CHRM3: variants seen among roughly 807,000 people sequenced by gnomAD.
CHRM3 encodes muscarinic acetylcholine receptor M3.
A neutral mutation model predicts 41.8 loss-of-function variants in CHRM3; 11 were observed. The ratio of observed to expected loss-of-function variants is 0.26; its 90% CI spans 0.17 to 0.44. CHRM3 has a LOEUF of 0.44. CHRM3 is among the 20% of genes least tolerant of loss of function. CHRM3 has a pLI of 1.00. For synonymous variants in CHRM3, 297 were observed against 301.4 expected (o/e 0.99, Z 0.15); for missense variants, 571 against 745.4 (o/e 0.77, Z 2.72).
At chr1:239,541,188 A>G (rs61836570) in intron 2 of CHRM3, among the ~76,000 whole-genome samples, 1,545 of 24,044 alleles carry the variant, frequency 0.064, 8 homozygotes, top group Admixed American at 0.14. Context: ...TATCAACAAC[A>G]TTAAGTGAGG....
intron 3 of CHRM3, among the ~76,000 whole-genome samples, chr1:239,597,212 A>G (rs1278716842): frequency 1.3e-5 from 2 of 152,146 alleles, no homozygotes; most frequent in Non-Finnish European, 2.9e-5. Context: ...GACATTTCCT[A>G]TGAACTGGGC....
chr1:239,767,546 AG>A (rs1247366178), intron 5 of CHRM3, among the ~76,000 whole-genome samples: 1 of 152,206 alleles, frequency 6.6e-6, no homozygotes, highest in African/African-American at 2.4e-5. Flanking sequence ...CTAACTTCCT[AG>A]AATCAATATG....
At chr1:239,432,921 A>T (rs1662939922) in intron 1 of CHRM3, among the ~76,000 whole-genome samples, 1 of 152,104 alleles carries the variant, frequency 6.6e-6, no homozygotes, top group Non-Finnish European at 1.5e-5. Flanking sequence ...TTCAACAACT[A>T]TTTATTGTGT....
intron 1 of CHRM3, among the ~76,000 whole-genome samples, chr1:239,435,822 G>T (rs952115048): frequency 2.0e-5 from 3 of 151,836 alleles, no homozygotes; most frequent in African/African-American, 7.3e-5. Flanking sequence ...GTGATATTTT[G>T]CACTATTGGG....
At chr1:239,723,091 G>A (rs1351206158) in intron 5 of CHRM3, among the ~76,000 whole-genome samples, 1 of 151,728 alleles carries the variant, frequency 6.6e-6, no homozygotes, top group Non-Finnish European at 1.5e-5. Context: ...CCTCTGTAAG[G>A]TGAGAAATAC....
At chr1:239,521,495 A>G (rs2148267601) in intron 2 of CHRM3, among the ~76,000 whole-genome samples, 1 of 152,328 alleles carries the variant, frequency 6.6e-6, no homozygotes, top group East Asian at 1.9e-4. Context: ...ACATGATAAT[A>G]TTGGTTTTCT....
At chr1:239,871,885 G>C (rs1676619116) in intron 6 of CHRM3, among the ~76,000 whole-genome samples, 1 of 152,114 alleles carries the variant, frequency 6.6e-6, no homozygotes, top group Non-Finnish European at 1.5e-5. Flanking sequence ...TTTTTAGCTG[G>C]GGTTCAAGAA....
chr1:239,390,234 CTTAA>C (rs1018833746), intron 1 of CHRM3, among the ~76,000 whole-genome samples: 1 of 152,090 alleles, frequency 6.6e-6, no homozygotes, highest in Non-Finnish European at 1.5e-5. Context: ...TGCCTTTATG[CTTAA>C]TTGTTTAATA....
chr1:239,622,145 G>A (rs1257689727), intron 3 of CHRM3, among the ~76,000 whole-genome samples: 1 of 152,118 alleles, frequency 6.6e-6, no homozygotes, highest in Admixed American at 6.6e-5. Flanking sequence ...TAAGCCTACT[G>A]TTGAGAACTA....
At chr1:239,597,936 G>C (rs1203279668) in intron 3 of CHRM3, among the ~76,000 whole-genome samples, 2 of 150,054 alleles carry the variant, frequency 1.3e-5, no homozygotes, top group African/African-American at 2.5e-5. Context: ...GTCTCGTGCA[G>C]TTCAGTGGCA....
At chr1:239,859,819 T>TTATATG (rs1553286829) in intron 6 of CHRM3, among the ~76,000 whole-genome samples, 1 of 131,424 alleles carries the variant, frequency 7.6e-6, no homozygotes, top group East Asian at 2.1e-4. Flanking sequence ...TCTAAGTGTT[T>TTATATG]TATATATATA....
At chr1:239,434,530 C>G (rs1293224137) in intron 1 of CHRM3, among the ~76,000 whole-genome samples, 1 of 152,206 alleles carries the variant, frequency 6.6e-6, no homozygotes, top group South Asian at 2.1e-4. Context: ...ATATGATAAC[C>G]GTGTTGGTTT....
intron 4 of CHRM3, among the ~76,000 whole-genome samples, chr1:239,652,620 A>G (rs1437860444): frequency 6.6e-6 from 1 of 150,420 alleles, no homozygotes; most frequent in Non-Finnish European, 1.5e-5. Context: ...TATTTTCTCA[A>G]CCATATGCTC....
intron 3 of CHRM3, among the ~76,000 whole-genome samples, chr1:239,549,685 T>C (rs1659634716): frequency 6.7e-6 from 1 of 148,222 alleles, no homozygotes; most frequent in African/African-American, 2.5e-5. Flanking sequence ...AAATGGAGTC[T>C]CCTTCTGAAG....
At chr1:239,502,603 A>G (rs1253614069) in intron 2 of CHRM3, among the ~76,000 whole-genome samples, 1 of 152,182 alleles carries the variant, frequency 6.6e-6, no homozygotes, top group Non-Finnish European at 1.5e-5. Flanking sequence ...TATCACCCTA[A>G]TACCAAAACC....
At chr1:239,635,315 A>G (rs1327316159) in intron 4 of CHRM3, among the ~76,000 whole-genome samples, 2 of 152,192 alleles carry the variant, frequency 1.3e-5, no homozygotes, top group Non-Finnish European at 2.9e-5. Context: ...TCCCTCCCCT[A>G]CATTTAGAAT....
chr1:239,778,562 C>T (rs1248758330), intron 5 of CHRM3, among the ~76,000 whole-genome samples: 6 of 152,276 alleles, frequency 3.9e-5, no homozygotes, highest in Admixed American at 2.0e-4. Flanking sequence ...TTAACAGTCC[C>T]TCCTGACCTG....
chr1:239,909,106 G>A lies in CHRM3; in HGVS notation c.1655G>A (p.Arg552Lys). Reference protein sequence around the residue: ...VCYALCNKTFRTTFKMLLLCQ... With the variant: ...VCYALCNKTFKTTFKMLLLCQ... Reference sequence around the variant, plus strand: ...TATGCTCTGTGCAACAAAACATTCAGAACCACTTTCAAGATGCTGCTGCTG... The same window carrying A: ...TATGCTCTGTGCAACAAAACATTCAAAACCACTTTCAAGATGCTGCTGCTG... Residue 552 changes from arginine (R) to lysine (K), a missense_variant, in exon 7 of 7, where the codon AGA becomes AAA. By Grantham distance (26) the Arg-to-Lys change is conservative. Around this residue, in one of 5 missense-constraint regions of CHRM3, gnomAD observed 43 missense variants for 93.7 expected, o/e 0.46. Coordinates refer to ENST00000676153, the MANE Select transcript of CHRM3 (RefSeq NM_001375978.1). 6.2e-7 allele frequency: 1 copy of A among 1,614,098 alleles called. No homozygotes were observed. The highest frequency in any genetic ancestry group is 8.5e-7 in the Non-Finnish European group (1 of 1,180,022).
intron 5 of CHRM3, among the ~76,000 whole-genome samples, chr1:239,691,769 G>C (rs1343741051): frequency 2.6e-5 from 4 of 152,082 alleles, no homozygotes; most frequent in Admixed American, 2.6e-4. Context: ...CATAAATAGT[G>C]AATTAAATGT....
Sources: gnomAD v4.1 joint callset for allele counts (sites outside exome capture counted in the v4.1 genomes callset) on GRCh38, gnomAD v4.1.1 for gene constraint, gnomAD v4.1.1 regional missense constraint, MANE v1.5 for transcripts, NCBI Gene and HGNC (gene_info 2026-07-23, HGNC 2026-07-21) for gene names.